Variants in DAPK1 observed in about 807,000 individuals in gnomAD.
DAPK1 encodes the protein death associated protein kinase 1.
A neutral mutation model predicts 144.9 loss-of-function variants in DAPK1; 56 were observed. The ratio of observed to expected loss-of-function variants is 0.39; its 90% CI spans 0.31 to 0.48. The LOEUF is 0.48. Among genes scored for constraint, DAPK1 ranks in the 20% least tolerant of loss-of-function variants. DAPK1 has a pLI of 0.95. For missense variants in DAPK1, 1,454 were observed against 1,875.4 expected (o/e 0.78, Z 4.15); for synonymous variants, 690 against 749.0 (o/e 0.92, Z 1.29).
chr9:87,686,369 C>T lies in DAPK1; in HGVS notation c.2225-182C>T, dbSNP rs1172192192. Among the ~76,000 whole-genome samples the T allele has an allele frequency of 6.6e-6, 1 of 152,156 alleles. No homozygotes were observed. The highest frequency in any genetic ancestry group is 2.4e-5 in the African/African-American group (1 of 41,446). On this transcript the variant is annotated intron_variant, in intron 20 of 25. Transcript: ENST00000408954. The surrounding 1 kb of genome is among the most constrained non-coding windows in gnomAD (Gnocchi z 4.2). Reference sequence around the variant, plus strand: ...GGGAGGTAGAGCAAGCGGAAAAGCCCACAGCCTTGCTGGGAACACTGCTGC... The same window carrying T: ...GGGAGGTAGAGCAAGCGGAAAAGCCTACAGCCTTGCTGGGAACACTGCTGC...
At chr9:87,696,812 C>G (rs1825275523) in intron 21 of DAPK1, among the ~76,000 whole-genome samples, 195 bp from the exon 22 acceptor site, 1 of 152,168 alleles carries the variant, frequency 6.6e-6, no homozygotes, top group African/African-American at 2.4e-5. Flanking sequence ...TCCCACATCA[C>G]CTCACTGAGT....
At chr9:87,668,964 G>T in intron 19 of DAPK1, 1 of 306,112 alleles carries the variant, frequency 3.3e-6, no homozygotes, top group South Asian at 5.1e-5. Context: ...AGTAGCGGGG[G>T]ATGAGGACGC....
chr9:87,701,865 C>T (rs1825467698), intron 24 of DAPK1: 1 of 470,472 alleles, frequency 2.1e-6, no homozygotes, highest in Non-Finnish European at 4.4e-6. Flanking sequence ...CAGATATCCT[C>T]GTTGGGGTCC....
chr9:87,559,713 G>T (rs2118640267), intron 2 of DAPK1, among the ~76,000 whole-genome samples: 1 of 152,198 alleles, frequency 6.6e-6, no homozygotes, highest in African/African-American at 2.4e-5. Context: ...TGAACTCCAA[G>T]AATTGCTGCA....
chr9:87,548,216 G>A (rs754433492), intron 2 of DAPK1, among the ~76,000 whole-genome samples: 1 of 152,156 alleles, frequency 6.6e-6, no homozygotes, highest in Non-Finnish European at 1.5e-5. Context: ...ATTACCTTTC[G>A]CAAGGCCCCC....
chr9:87,634,415 G>A (rs796355447), intron 3 of DAPK1, among the ~76,000 whole-genome samples: 45 of 152,248 alleles, frequency 3.0e-4, no homozygotes, highest in African/African-American at 1.1e-3. Context: ...GTTTCTCCAC[G>A]TGGCACAGTG....
rs532451689 is a variant in DAPK1 at position 87,637,821 on chromosome 9, G to A, written c.285-122G>A. The A allele has an allele frequency of 5.4e-4, 575 of 1,060,154 alleles. 1 individual carries two copies. Among genetic ancestry groups the A allele is most frequent in the Middle Eastern group, 5.2e-3 (18 of 3,430 alleles). The allele number at this position is 1,060,154 out of a possible 1,614,324, so 65.7% of individuals were successfully genotyped here. On this transcript the variant is annotated intron_variant, in intron 3 of 25. Coordinates refer to ENST00000408954, the MANE Select transcript of DAPK1 (RefSeq NM_004938.4). Reference sequence around the variant, plus strand: ...AGAGAATTCTGAATCCATGCTTGGCGGTTTCAGCATAGTCTTTATGCTGTT... The same window carrying A: ...AGAGAATTCTGAATCCATGCTTGGCAGTTTCAGCATAGTCTTTATGCTGTT...
intron 13 of DAPK1, among the ~76,000 whole-genome samples, chr9:87,646,935 G>A (rs1830287187): frequency 6.6e-6 from 1 of 152,246 alleles, no homozygotes; most frequent in South Asian, 2.1e-4. Flanking sequence ...TGTAAGTGGA[G>A]TAGATCTGGC....
intron 2 of DAPK1, among the ~76,000 whole-genome samples, chr9:87,574,038 A>C (rs1202996650): frequency 6.6e-6 from 1 of 152,234 alleles, no homozygotes; most frequent in African/African-American, 2.4e-5. Flanking sequence ...TATCCTAAGC[A>C]TGAGACTTTG....
chr9:87,514,418 T>C (rs992339027), intron 2 of DAPK1, among the ~76,000 whole-genome samples: 2 of 152,206 alleles, frequency 1.3e-5, no homozygotes, highest in African/African-American at 4.8e-5. Flanking sequence ...CTGGTGAGGC[T>C]TGTGGGTGTC....
chr9:87,497,750 C>G (rs569741548), upstream of DAPK1: 44 of 306,134 alleles, frequency 1.4e-4, no homozygotes, highest in Middle Eastern at 2.8e-3. Flanking sequence ...CCCGCAGCGC[C>G]GGCCTGGCAG....
rs1294876382 is a variant in DAPK1, at chr9:87,497,888, A to T, written c.-328A>T. 2.5e-6 allele frequency: 1 copy of T among 393,400 alleles called. No individual in the cohort carries two copies. Among genetic ancestry groups the T allele is most frequent in the African/African-American group, 2.1e-5 (1 of 48,406 alleles). 24.4% of individuals were successfully genotyped at this position (393,400 alleles called of 1,614,324 possible). A position where few individuals can be genotyped will look rare whatever the true frequency, so the allele number is the denominator to read the frequency against. On this transcript the variant is annotated 5_prime_UTR_variant, in exon 1 of 26. Transcript: ENST00000408954. ...GGCTGCTTCGGAGTGTGAGGAGGAC[A>T]GCCGGACCGAGCCAACGCCGGGGAC...
intron 2 of DAPK1, among the ~76,000 whole-genome samples, chr9:87,516,151 C>T (rs1467637178): frequency 1.3e-5 from 2 of 152,200 alleles, no homozygotes; most frequent in Non-Finnish European, 2.9e-5. Context: ...TTGCCGCCCC[C>T]CAGCTTCTGC....
intron 2 of DAPK1, among the ~76,000 whole-genome samples, chr9:87,590,815 C>G (rs1828106502): frequency 6.6e-6 from 1 of 152,122 alleles, no homozygotes; most frequent in Non-Finnish European, 1.5e-5. Context: ...TCTTGAACTC[C>G]CAGGCTCAAG....
At chr9:87,547,107 A>G (rs1826277692) in intron 2 of DAPK1, among the ~76,000 whole-genome samples, 1 of 152,206 alleles carries the variant, frequency 6.6e-6, no homozygotes, top group Admixed American at 6.5e-5. Flanking sequence ...CAGTGAGCCA[A>G]GAGCAGACCA....
Position 87,658,084 on chromosome 9 carries a change from G to T in DAPK1, c.1880G>T (p.Arg627Leu), listed in dbSNP as rs202110666. ...AACAACGGAATCCTAGACGTGGTCC[G>T]GTATCTCTGTCTGATGGGAGCCAGC... ...AANNGILDVV[R>L]YLCLMGASVE... is the part of the protein sequence containing the mutation. Residue 627 changes from arginine (R) to leucine (L), a missense_variant, in exon 18 of 26, where the codon CGG (arginine) becomes CTG (leucine). Arg to Leu is a moderately radical substitution (Grantham distance 102). Transcript: ENST00000408954. The T allele has an allele frequency of 3.9e-6, 6 of 1,546,400 alleles. No individual in the cohort carries two copies. In the African/African-American group the frequency reaches 5.4e-5, roughly 14 times the overall value.
intron 18 of DAPK1, among the ~76,000 whole-genome samples, chr9:87,663,431 G>A (rs1250194620): frequency 6.6e-6 from 1 of 152,000 alleles, no homozygotes; most frequent in Non-Finnish European, 1.5e-5. Flanking sequence ...CCCACTGTGA[G>A]CCCCTCCCTG....
intron 2 of DAPK1, among the ~76,000 whole-genome samples, chr9:87,564,492 G>A (rs1024219476): frequency 6.6e-5 from 10 of 151,892 alleles, no homozygotes; most frequent in African/African-American, 2.4e-4. Context: ...TATGGTGCTG[G>A]AGGCTGGGAG....
chr9:87,560,485 CA>C (rs1367774116), intron 2 of DAPK1, among the ~76,000 whole-genome samples: 5 of 152,110 alleles, frequency 3.3e-5, no homozygotes, highest in Non-Finnish European at 7.3e-5. Context: ...CTACTAAACA[CA>C]AACTCCCCCT....
Sources: allele counts gnomAD v4.1 joint callset (sites outside exome capture counted in the v4.1 genomes callset), GRCh38; gene constraint gnomAD v4.1.1; non-coding constraint Gnocchi (gnomAD v3.1); transcripts MANE v1.5; gene names NCBI Gene and HGNC (gene_info 2026-07-23, HGNC 2026-07-21).